The following PRR16 variants were observed in gnomAD, a reference collection of about 807,000 sequenced individuals.
The protein encoded by PRR16 is protein Largen.
Under a neutral mutation model 18.2 loss-of-function variants are expected in PRR16, and 6 were observed. That is an observed-to-expected ratio of 0.33 (90% CI 0.18 to 0.65). The LOEUF (loss-of-function observed/expected upper bound fraction) is 0.65, where lower values mean the gene tolerates loss of function less well. Ranked by LOEUF, PRR16 falls within the 30% of genes least tolerant of loss-of-function variation. The probability of loss-of-function intolerance (pLI) is 0.74; values close to 1 mark genes in which losing one functional copy is unlikely to be tolerated. For missense variants in PRR16, 412 were observed against 376.6 expected, an observed-to-expected ratio of 1.09 and a Z score of -0.78; for synonymous variants, 151 against 147.8, an observed-to-expected ratio of 1.02 and a Z score of -0.16.
intron 1 of PRR16, among the ~76,000 whole-genome samples, chr5:120,510,892 A>G (rs185050078): frequency 7.9e-5 from 12 of 152,244 alleles, no homozygotes; most frequent in Admixed American, 3.3e-4. Flanking sequence ...TCATCTGAGA[A>G]ATATGTGGCT....
At chr5:120,504,970 A>T (rs1431913483) in intron 1 of PRR16, among the ~76,000 whole-genome samples, 4 of 152,164 alleles carry the variant, frequency 2.6e-5, no homozygotes, top group Non-Finnish European at 5.9e-5. Flanking sequence ...GAAGGCAAGA[A>T]TACTTTTATT....
chr5:120,681,846 T>C (rs995383901), intron 1 of PRR16, among the ~76,000 whole-genome samples: 1 of 152,212 alleles, frequency 6.6e-6, no homozygotes, highest in African/African-American at 2.4e-5. Flanking sequence ...ATACTTGGTG[T>C]TCCCTTTTTT....
intron 1 of PRR16, among the ~76,000 whole-genome samples, chr5:120,590,421 A>G (rs765193370): frequency 2.6e-5 from 4 of 152,180 alleles, no homozygotes; most frequent in Non-Finnish European, 4.4e-5. Context: ...GTATTTTGTC[A>G]GTAAGAATTT....
intron 1 of PRR16, among the ~76,000 whole-genome samples, chr5:120,680,960 G>A (rs1303953718): frequency 1.3e-5 from 2 of 152,026 alleles, no homozygotes; most frequent in Non-Finnish European, 2.9e-5. Context: ...ATGTTGCTTT[G>A]CTTAAGAAAG....
At chr5:120,564,355 G>T (rs745446372) in intron 1 of PRR16, among the ~76,000 whole-genome samples, 7 of 152,078 alleles carry the variant, frequency 4.6e-5, no homozygotes, top group Non-Finnish European at 7.4e-5. Flanking sequence ...GTCCTAGACT[G>T]CCTTTCAAGT....
intron 1 of PRR16, among the ~76,000 whole-genome samples, chr5:120,566,398 C>A (rs1024707309): frequency 6.6e-6 from 1 of 152,190 alleles, no homozygotes; most frequent in African/African-American, 2.4e-5. Flanking sequence ...TGTGACTCTT[C>A]CTGCCCATTC....
At chr5:120,667,505 T>C (rs539334556) in intron 1 of PRR16, among the ~76,000 whole-genome samples, 59 of 151,826 alleles carry the variant, frequency 3.9e-4, no homozygotes, top group Non-Finnish European at 6.5e-4. Flanking sequence ...AGCTTTTGAA[T>C]GTGTTTGCTC....
the PRR16 span, among the ~76,000 whole-genome samples, chr5:120,706,142 A>C: frequency 6.6e-6 from 1 of 152,128 alleles, no homozygotes; most frequent in Admixed American, 6.5e-5. Context: ...TGAAGATGAC[A>C]ATTTTATTCT....
At chr5:120,736,141 A>C in the PRR16 span, among the ~76,000 whole-genome samples, 1 of 152,156 alleles carries the variant, frequency 6.6e-6, no homozygotes, top group African/African-American at 2.4e-5. Flanking sequence ...GCAAGGTTTT[A>C]ATTATGGGCT....
At chr5:120,784,576 T>C in the PRR16 span, among the ~76,000 whole-genome samples, 9 of 152,244 alleles carry the variant, frequency 5.9e-5, no homozygotes, top group East Asian at 1.4e-3. Context: ...AACCAGAATA[T>C]GTAAGAAACT....
At chr5:120,745,268 G>T in the PRR16 span, among the ~76,000 whole-genome samples, 1 of 152,094 alleles carries the variant, frequency 6.6e-6, no homozygotes, top group Non-Finnish European at 1.5e-5. Flanking sequence ...GTTTATGCAT[G>T]GGATCTTGCT....
chr5:120,686,329 T>C lies in PRR16; in HGVS notation c.535T>C (p.Leu179=), dbSNP rs1396204781. The C allele has an allele frequency of 1.9e-6, 3 of 1,613,970 alleles. No individual in the cohort carries two copies. Among genetic ancestry groups the C allele is most frequent in the Non-Finnish European group, 2.5e-6 (3 of 1,179,996 alleles). ...TATCTGCTGCATACCCAACAGTAAC[T>C]TGGACAAGGCTCCAGTCCAGCTTCT... ...GDICCIPNSN[L]DKAPVQLLMH... The change falls in exon 2 of 2, where the codon TTG becomes CTG. Residue 179 remains leucine (L), a synonymous_variant. Coordinates refer to ENST00000407149, the MANE Select transcript of PRR16 (RefSeq NM_001300783.2).
chr5:120,576,434 T>C (rs965031691), intron 1 of PRR16, among the ~76,000 whole-genome samples: 1 of 152,114 alleles, frequency 6.6e-6, no homozygotes, highest in Non-Finnish European at 1.5e-5. Flanking sequence ...TCACTAATCA[T>C]TAGGGAAATG....
chr5:120,491,453 CCTTTCCTTTCCTTTCCTTTCCTTTCCTTT>C lies in PRR16; in HGVS notation c.159+26812_159+26840del, dbSNP rs1561514053. Among the ~76,000 whole-genome samples the C allele has an allele frequency of 2.1e-4, 27 of 126,032 alleles. 1 individual carries two copies. Among genetic ancestry groups the C allele is most frequent in the African/African-American group, 8.3e-4 (22 of 26,546 alleles). The allele number at this position is 126,032 out of a possible 152,430, so 82.7% of individuals were successfully genotyped here. A position where few individuals can be genotyped will look rare whatever the true frequency, so the allele number is the denominator to read the frequency against. On this transcript the variant is annotated intron_variant, in intron 1 of 1. Transcript: ENST00000407149. ...CCTTTCCTTTCCTTTCCTTTCCTTT[CCTTTCCTTTCCTTTCCTTTCCTTTCCTTT>C]CTTCCTTCCTTCCTTCCTTCTTTTC...
At chr5:120,471,629 C>T (rs1749271260) in intron 1 of PRR16, among the ~76,000 whole-genome samples, 1 of 152,096 alleles carries the variant, frequency 6.6e-6, no homozygotes, top group Non-Finnish European at 1.5e-5. Flanking sequence ...CTCTCTCCCA[C>T]ATATAAGGGT....
the PRR16 span, among the ~76,000 whole-genome samples, chr5:120,744,213 CA>C: frequency 6.6e-6 from 1 of 152,020 alleles, no homozygotes; most frequent in African/African-American, 2.4e-5. Flanking sequence ...TTAAGGAGGA[CA>C]AGTTGGTATG....
At chr5:120,466,096 G>C (rs535457132) in intron 1 of PRR16, among the ~76,000 whole-genome samples, 8 of 152,296 alleles carry the variant, frequency 5.3e-5, no homozygotes, top group South Asian at 2.1e-4. Flanking sequence ...CTGAGGTCCT[G>C]AGAGTGGCTG....
intron 1 of PRR16, among the ~76,000 whole-genome samples, chr5:120,506,462 C>T (rs1750649289): frequency 6.6e-6 from 1 of 151,952 alleles, no homozygotes; most frequent in South Asian, 2.1e-4. Context: ...TCAGTTAGTA[C>T]TGTATTCAGC....
At chr5:120,584,573 C>G (rs1753377717) in intron 1 of PRR16, among the ~76,000 whole-genome samples, 1 of 152,024 alleles carries the variant, frequency 6.6e-6, no homozygotes, top group African/African-American at 2.4e-5. Context: ...TTCTGTTCCC[C>G]AGGCATTTTC....
Sources: gnomAD v4.1 joint callset for allele counts (sites outside exome capture counted in the v4.1 genomes callset) on GRCh38, gnomAD v4.1.1 for gene constraint, MANE v1.5 for transcripts, NCBI Gene and HGNC (gene_info 2026-07-23, HGNC 2026-07-21) for gene names.